Variants in EXOC6B observed in about 807,000 individuals in gnomAD.
EXOC6B encodes the protein exocyst complex component 6B.
Under a neutral mutation model 113.5 loss-of-function variants are expected in EXOC6B, and 54 were observed. The observed-to-expected ratio is 0.48, with a 90% CI of 0.38 to 0.60. The LOEUF (loss-of-function observed/expected upper bound fraction) is 0.60. Among genes scored for constraint, EXOC6B ranks in the 20% least tolerant of loss-of-function variants. The pLI is 0.00. For synonymous variants in EXOC6B, 357 were observed against 339.0 expected, an observed-to-expected ratio of 1.05 and a Z score of -0.58; for missense variants, 797 against 977.5, an observed-to-expected ratio of 0.82 and a Z score of 2.46.
chr2:72,632,535 T>C (rs1466895734), intron 6 of EXOC6B, among the ~76,000 whole-genome samples: 1 of 152,108 alleles, frequency 6.6e-6, no homozygotes, highest in Non-Finnish European at 1.5e-5. Flanking sequence ...GGAAATAATA[T>C]AACATCCAGC....
chr2:72,768,859 T>TCC (rs1446739535), intron 1 of EXOC6B, among the ~76,000 whole-genome samples: 1 of 152,042 alleles, frequency 6.6e-6, no homozygotes, highest in Non-Finnish European at 1.5e-5. Context: ...ACACCTGTAA[T>TCC]CCCAGCACCT....
chr2:72,666,345 C>T (rs1339132641), intron 6 of EXOC6B, among the ~76,000 whole-genome samples: 1 of 152,162 alleles, frequency 6.6e-6, no homozygotes, highest in Non-Finnish European at 1.5e-5. Flanking sequence ...AATATACTTT[C>T]TTCTCATACG....
rs748478070 is a variant in EXOC6B, at chr2:72,492,341, T to C, written c.1642A>G (p.Arg548Gly). 2 of 1,612,350 alleles carry C rather than the reference T, an allele frequency of 1.2e-6. No homozygotes were observed. The highest frequency in any genetic ancestry group is 2.7e-5 in the African/African-American group (2 of 74,958). The change falls in exon 16 of 22, where the codon AGG becomes GGG. Residue 548 changes from arginine to glycine, a missense_variant. Arg to Gly is a moderately radical substitution (Grantham distance 125, BLOSUM62 -2). Transcript: ENST00000272427. Reference sequence around the variant, plus strand: ...ACCTCAGTAAGCCCAATATTCTTCCTTTTAATTACATTCTGCAGAGAGTTG... The same window carrying C: ...ACCTCAGTAAGCCCAATATTCTTCCCTTTAATTACATTCTGCAGAGAGTTG... ...LSNSLQNVIK[R>G]KNIGLTELVQ... is the part of the protein sequence containing the mutation.
intron 20 of EXOC6B, among the ~76,000 whole-genome samples, chr2:72,209,043 G>A (rs1172793734): frequency 6.6e-6 from 1 of 151,816 alleles, no homozygotes; most frequent in African/African-American, 2.4e-5. Flanking sequence ...GACCAACATG[G>A]AGAAACCCCA....
chr2:72,473,928 T>G (rs1180064422), intron 17 of EXOC6B, among the ~76,000 whole-genome samples: 1 of 152,172 alleles, frequency 6.6e-6, no homozygotes, highest in Non-Finnish European at 1.5e-5. Context: ...CTTGAGGAAT[T>G]TATTGTAAGG....
chr2:72,744,013 C>T (rs756224198), intron 1 of EXOC6B, among the ~76,000 whole-genome samples: 14 of 152,096 alleles, frequency 9.2e-5, no homozygotes, highest in African/African-American at 1.7e-4. Context: ...TATTGTAGTG[C>T]AACACATTAC....
At position 72,418,225 on chromosome 2, in the gene EXOC6B, G is replaced by A. The variant is rs1392782797; in HGVS notation, c.1981-38355C>T. ...AGTGTCTACAGTTAATCAATATATTGTATTAATTTAGTCATTCATATTCTC... is the reference window on the plus strand; with the variant it reads ...AGTGTCTACAGTTAATCAATATATTATATTAATTTAGTCATTCATATTCTC... On this transcript the variant is annotated intron_variant, in intron 18 of 21. Coordinates refer to ENST00000272427, the MANE Select transcript of EXOC6B (RefSeq NM_015189.3). Among the ~76,000 whole-genome samples the A allele has an allele frequency of 2.0e-5, 3 of 152,012 alleles. 1 individual carries two copies. The highest frequency in any genetic ancestry group is 4.4e-5 in the Non-Finnish European group (3 of 67,994).
At chr2:72,649,420 G>A (rs1307222992) in intron 6 of EXOC6B, among the ~76,000 whole-genome samples, 1 of 152,038 alleles carries the variant, frequency 6.6e-6, no homozygotes. Context: ...ATCCTGATGT[G>A]ACTATTATTA....
chr2:72,206,400 C>G (rs1205260988), intron 20 of EXOC6B, among the ~76,000 whole-genome samples: 10 of 152,106 alleles, frequency 6.6e-5, no homozygotes. Flanking sequence ...TCTTAAGTAC[C>G]CATCTCCTTT....
At chr2:72,374,792 C>T (rs1468171890) in intron 19 of EXOC6B, among the ~76,000 whole-genome samples, 2 of 149,212 alleles carry the variant, frequency 1.3e-5, no homozygotes, top group Non-Finnish European at 3.0e-5. Context: ...ATCTCATGTA[C>T]TCCATAAATA....
intron 15 of EXOC6B, 77 bp from the exon 16 acceptor site, chr2:72,492,506 C>T (rs1467149517): frequency 2.3e-5 from 18 of 784,704 alleles, no homozygotes; most frequent in South Asian, 6.3e-5. Flanking sequence ...CAGTGGTATT[C>T]GTGGTAATAA....
chr2:72,773,581 T>A (rs1683531193), intron 1 of EXOC6B, among the ~76,000 whole-genome samples: 1 of 151,890 alleles, frequency 6.6e-6, no homozygotes, highest in East Asian at 1.9e-4. Context: ...TTTAAAATTA[T>A]ACCTCAAGAA....
intron 18 of EXOC6B, among the ~76,000 whole-genome samples, chr2:72,397,297 A>G (rs1692788064): frequency 6.6e-6 from 1 of 152,170 alleles, no homozygotes; most frequent in Non-Finnish European, 1.5e-5. Context: ...TCTCTGACTA[A>G]TATCATTTCT....
intron 6 of EXOC6B, among the ~76,000 whole-genome samples, chr2:72,652,982 T>C (rs1477583842): frequency 6.6e-6 from 1 of 151,776 alleles, no homozygotes. Context: ...CTCAGTTATA[T>C]ATATTTTTTT....
intron 20 of EXOC6B, among the ~76,000 whole-genome samples, chr2:72,325,755 C>A (rs1241031270): frequency 6.6e-6 from 1 of 151,918 alleles, no homozygotes; most frequent in Non-Finnish European, 1.5e-5. Flanking sequence ...TTTCGGTTTT[C>A]TACCTTCACT....
intron 1 of EXOC6B, among the ~76,000 whole-genome samples, chr2:72,823,782 A>G (rs931272870): frequency 2.0e-5 from 3 of 147,952 alleles, no homozygotes; most frequent in African/African-American, 7.3e-5. Context: ...CCCTGTCCCA[A>G]AAAAAAAAAA....
chr2:72,215,777 GGGA>G (rs1301604966), intron 20 of EXOC6B, among the ~76,000 whole-genome samples: 3 of 152,174 alleles, frequency 2.0e-5, no homozygotes, highest in Non-Finnish European at 4.4e-5. Flanking sequence ...TTGGAAACAG[GGGA>G]GGAGACCAGA....
At chr2:72,388,708 G>A (rs949160359) in intron 18 of EXOC6B, among the ~76,000 whole-genome samples, 1 of 152,064 alleles carries the variant, frequency 6.6e-6, no homozygotes, top group African/African-American at 2.4e-5. Context: ...AGTTCTGCCA[G>A]TTTTTGTTTG....
intron 6 of EXOC6B, among the ~76,000 whole-genome samples, chr2:72,639,766 C>T (rs1673098268): frequency 6.6e-6 from 1 of 152,158 alleles, no homozygotes; most frequent in African/African-American, 2.4e-5. Context: ...GTGTTGGCCC[C>T]CTAAAATCTT....
Sources: gnomAD v4.1 joint callset for allele counts (sites outside exome capture counted in the v4.1 genomes callset) on GRCh38, gnomAD v4.1.1 for gene constraint, MANE v1.5 for transcripts, NCBI Gene and HGNC (gene_info 2026-07-23, HGNC 2026-07-21) for gene names.